The following SLC25A21 variants were observed in gnomAD, a reference collection of about 807,000 sequenced individuals.
The protein encoded by SLC25A21 is mitochondrial 2-oxodicarboxylate carrier.
SLC25A21 carries 47 observed loss-of-function variants against 43.8 expected under a neutral mutation model. The ratio of observed to expected loss-of-function variants is 1.07; its 90% CI spans 0.85 to 1.37. The LOEUF is 1.37. SLC25A21 is among the 40% of genes most tolerant of loss of function. The pLI is 0.00. For missense variants in SLC25A21, 352 were observed against 350.2 expected, an observed-to-expected ratio of 1.00 and a Z score of -0.04; for synonymous variants, 131 against 121.3, an observed-to-expected ratio of 1.08 and a Z score of -0.52.
At chr14:36,854,146 CA>C in intron 2 of SLC25A21, among the ~76,000 whole-genome samples, 1 of 152,212 alleles carries the variant, frequency 6.6e-6, no homozygotes, top group Non-Finnish European at 1.5e-5. Context: ...ACTGGGAGTG[CA>C]AATATAAATG....
chr14:37,080,754 A>T (rs1214712742), intron 1 of SLC25A21, among the ~76,000 whole-genome samples: 2 of 152,220 alleles, frequency 1.3e-5, no homozygotes, highest in African/African-American at 4.8e-5. Flanking sequence ...TGACTGGCTC[A>T]TTCAACACAG....
intron 1 of SLC25A21, among the ~76,000 whole-genome samples, chr14:37,099,917 T>A (rs1962784537): frequency 6.6e-6 from 1 of 152,148 alleles, no homozygotes; most frequent in Admixed American, 6.5e-5. Flanking sequence ...TAAAATTAAA[T>A]TTAAACAAAT....
chr14:37,092,767 C>T (rs2138853035), intron 1 of SLC25A21, among the ~76,000 whole-genome samples: 2 of 152,018 alleles, frequency 1.3e-5, no homozygotes, highest in South Asian at 4.2e-4. Context: ...CAAATTTATC[C>T]CACCTTTTTT....
chr14:37,078,014 AATTTGAG>A (rs201441724), intron 1 of SLC25A21, among the ~76,000 whole-genome samples: 4 of 150,254 alleles, frequency 2.7e-5, no homozygotes, highest in Non-Finnish European at 6.0e-5. Context: ...AATTTCTTAA[AATTTGAG>A]ATTTAAGTTA....
intron 1 of SLC25A21, among the ~76,000 whole-genome samples, chr14:37,056,965 G>A (rs894845439): frequency 1.3e-5 from 2 of 152,080 alleles, no homozygotes; most frequent in Admixed American, 6.5e-5. Context: ...CTGAGAATTC[G>A]ATTTGTTTGG....
intron 1 of SLC25A21, among the ~76,000 whole-genome samples, chr14:37,027,431 T>C (rs184522070): frequency 3.5e-4 from 53 of 152,324 alleles, no homozygotes; most frequent in Admixed American, 2.2e-3. Context: ...AAGACTATTC[T>C]TATAATCAGA....
At chr14:36,919,088 G>GATGAATGA (rs112178475) in intron 1 of SLC25A21, among the ~76,000 whole-genome samples, 42 of 151,784 alleles carry the variant, frequency 2.8e-4, no homozygotes, top group South Asian at 8.3e-4. Context: ...TAAATGAATG[G>GATGAATGA]ATGAATGAAT....
At chr14:36,906,404 A>G (rs1183538954) in intron 1 of SLC25A21, among the ~76,000 whole-genome samples, 1 of 152,192 alleles carries the variant, frequency 6.6e-6, no homozygotes, top group African/African-American at 2.4e-5. Context: ...GGAAAAAAGC[A>G]GCAAAGTAGC....
At chr14:37,102,934 G>A (rs918133188) in intron 1 of SLC25A21, among the ~76,000 whole-genome samples, 3 of 151,514 alleles carry the variant, frequency 2.0e-5, no homozygotes, top group Admixed American at 6.6e-5. Context: ...GCAGTGACCC[G>A]AGATCATGCC....
chr14:36,968,864 G>C (rs545386364), intron 1 of SLC25A21, among the ~76,000 whole-genome samples: 36 of 152,232 alleles, frequency 2.4e-4, no homozygotes, highest in Non-Finnish European at 4.0e-4. Context: ...TTATTTTAAG[G>C]TCTGGTATTT....
At chr14:36,794,162 G>T (rs1887590641) in intron 3 of SLC25A21, among the ~76,000 whole-genome samples, 1 of 152,054 alleles carries the variant, frequency 6.6e-6, no homozygotes, top group Non-Finnish European at 1.5e-5. Flanking sequence ...TACCATGCAG[G>T]CAATGAACAC....
intron 1 of SLC25A21, among the ~76,000 whole-genome samples, chr14:37,140,632 A>C (rs1386761002): frequency 6.6e-6 from 1 of 152,212 alleles, no homozygotes; most frequent in Non-Finnish European, 1.5e-5. Flanking sequence ...ATCTAGGTTA[A>C]ATTGTATATG....
At chr14:36,768,619 A>T (rs1886500850) in intron 3 of SLC25A21, among the ~76,000 whole-genome samples, 1 of 152,266 alleles carries the variant, frequency 6.6e-6, no homozygotes, top group East Asian at 1.9e-4. Flanking sequence ...TTTCAGACAG[A>T]CCTGGATCCA....
intron 2 of SLC25A21, among the ~76,000 whole-genome samples, chr14:36,861,389 A>G (rs760027380): frequency 5.3e-5 from 8 of 152,296 alleles, no homozygotes; most frequent in Admixed American, 6.5e-5. Flanking sequence ...TGATTCCCAT[A>G]TGCTCGACTC....
chr14:37,160,956 G>A (rs971329512), intron 1 of SLC25A21, among the ~76,000 whole-genome samples: 2 of 128,612 alleles, frequency 1.6e-5, no homozygotes, highest in African/African-American at 2.9e-5. Context: ...AGGAAGAGGA[G>A]GAGGAGGAGG....
At chr14:37,031,844 G>A (rs1961217834) in intron 1 of SLC25A21, among the ~76,000 whole-genome samples, 1 of 152,224 alleles carries the variant, frequency 6.6e-6, no homozygotes, top group Non-Finnish European at 1.5e-5. Context: ...GTTGGGAGAT[G>A]AGCCCAGACT....
At chr14:36,723,425 A>G (rs1292860031) in intron 6 of SLC25A21, among the ~76,000 whole-genome samples, 1 of 152,232 alleles carries the variant, frequency 6.6e-6, no homozygotes, top group Non-Finnish European at 1.5e-5. Context: ...CACTTTTAAA[A>G]TATTTTATAA....
At chr14:36,915,262 A>G (rs1261560989) in intron 1 of SLC25A21, among the ~76,000 whole-genome samples, 1 of 152,106 alleles carries the variant, frequency 6.6e-6, no homozygotes. Flanking sequence ...GAATTCTACT[A>G]TGAGCTGTGA....
intron 3 of SLC25A21, among the ~76,000 whole-genome samples, chr14:36,800,700 C>T (rs890215789): frequency 6.6e-6 from 1 of 152,028 alleles, no homozygotes; most frequent in Non-Finnish European, 1.5e-5. Flanking sequence ...GGCCACTGAA[C>T]TGTATGCTTA....
Sources: allele counts gnomAD v4.1 joint callset (sites outside exome capture counted in the v4.1 genomes callset), GRCh38; gene constraint gnomAD v4.1.1; transcripts MANE v1.5; gene names NCBI Gene and HGNC (gene_info 2026-07-23, HGNC 2026-07-21).